The following PADI4 variants were observed in gnomAD, a reference collection of about 807,000 sequenced individuals.
The protein encoded by PADI4 is protein-arginine deiminase type-4.
Under a neutral mutation model 75.0 loss-of-function variants are expected in PADI4, and 62 were observed. That is an observed-to-expected ratio of 0.83 (90% CI 0.67 to 1.02). PADI4 has a LOEUF of 1.02. PADI4 is among the 50% of genes least tolerant of loss of function. PADI4 has a pLI of 0.00. For synonymous variants in PADI4, 361 were observed against 348.1 expected (o/e 1.04, Z -0.41); for missense variants, 845 against 850.5 (o/e 0.99, Z 0.08).
chr1:17,359,246 GTC>G, intron 14 of PADI4, 32 bp from the exon 15 acceptor site: 1 of 357,756 alleles, frequency 2.8e-6, no homozygotes, highest in Middle Eastern at 9.6e-4. Context: ...ACTGCCATCA[GTC>G]CCCCACTCAC....
At chr1:17,321,296 G>A (rs1026153225) in intron 1 of PADI4, among the ~76,000 whole-genome samples, 3 of 152,176 alleles carry the variant, frequency 2.0e-5, no homozygotes, top group African/African-American at 7.2e-5. Context: ...GGGCCATTCA[G>A]TCTGACCATA....
intron 1 of PADI4, among the ~76,000 whole-genome samples, chr1:17,318,141 C>T (rs886845931): frequency 6.6e-6 from 1 of 152,178 alleles, no homozygotes; most frequent in Non-Finnish European, 1.5e-5. Context: ...TGCTGCTGTT[C>T]CGAAGACCAC....
chr1:17,342,835 G>C (rs2074447627), intron 8 of PADI4, among the ~76,000 whole-genome samples: 1 of 152,188 alleles, frequency 6.6e-6, no homozygotes, highest in Admixed American at 6.5e-5. Context: ...AATTGGCCGG[G>C]CGTGGTGGCG....
intron 10 of PADI4, among the ~76,000 whole-genome samples, chr1:17,352,949 C>T (rs1432948091): frequency 6.6e-6 from 1 of 152,166 alleles, no homozygotes; most frequent in Non-Finnish European, 1.5e-5. Flanking sequence ...CAGGATCCCC[C>T]GGTGTCCTGA....
intron 8 of PADI4, among the ~76,000 whole-genome samples, chr1:17,343,483 C>T (rs546848207): frequency 6.6e-6 from 1 of 152,110 alleles, no homozygotes; most frequent in Admixed American, 6.5e-5. Flanking sequence ...GTATTCCGGT[C>T]CCAGCACTGT....
chr1:17,348,561 A>C (rs12754450), intron 10 of PADI4, among the ~76,000 whole-genome samples: 3,211 of 152,280 alleles, frequency 0.021, 41 homozygotes, highest in Middle Eastern at 0.031. Flanking sequence ...CTCATGCTTG[A>C]CTAGCCTGGC....
chr1:17,352,111 GACT>G lies in PADI4; in HGVS notation c.1156-2421_1156-2419del, dbSNP rs370833918. Among the ~76,000 whole-genome samples, 121 of 130,786 alleles carry G rather than the reference GACT, an allele frequency of 9.3e-4. 1 individual carries two copies. The highest frequency in any genetic ancestry group is 2.8e-3 in the African/African-American group (88 of 31,460). 85.8% of individuals were successfully genotyped at this position (130,786 alleles called of 152,430 possible). A position where few individuals can be genotyped will look rare whatever the true frequency, so the allele number is the denominator to read the frequency against. On this transcript the variant is annotated intron_variant, in intron 10 of 15. Coordinates refer to ENST00000375448, the MANE Select transcript of PADI4 (RefSeq NM_012387.3). ...GGAGGTGATGGGAGGTGGTAGGAGA[GACT>G]GTGGTCAGAGAGGTGATGGGAGGCA...
chr1:17,352,276 AT>A (rs1413925565), intron 10 of PADI4, among the ~76,000 whole-genome samples: 1 of 146,080 alleles, frequency 6.8e-6, no homozygotes, highest in Non-Finnish European at 1.5e-5. Context: ...ATGGGAGGAG[AT>A]GGGGGGCAGT....
intron 4 of PADI4, among the ~76,000 whole-genome samples, chr1:17,336,968 G>A (rs1343709327): frequency 6.6e-6 from 1 of 152,198 alleles, no homozygotes; most frequent in African/African-American, 2.4e-5. Context: ...GGGTGGGGCT[G>A]CTTAATGTGC....
chr1:17,340,045 C>CGT (rs1491467769), intron 6 of PADI4, among the ~76,000 whole-genome samples: 1 of 78,498 alleles, frequency 1.3e-5, no homozygotes, highest in East Asian at 3.8e-4. Context: ...CTCTCACACA[C>CGT]GCGCGCGCAC....
intron 5 of PADI4, among the ~76,000 whole-genome samples, chr1:17,339,309 G>A (rs753765086): frequency 4.6e-5 from 7 of 152,102 alleles, no homozygotes; most frequent in Admixed American, 2.6e-4. Flanking sequence ...CCTTTCACTC[G>A]TTCATTGCAC....
At chr1:17,336,018 C>T (rs1222265547) in intron 3 of PADI4, 141 bp from the exon 4 acceptor site, 3 of 635,796 alleles carry the variant, frequency 4.7e-6, no homozygotes, top group African/African-American at 3.6e-5. Context: ...GAACCTGTGT[C>T]TCCTCTGAAG....
At chr1:17,338,467 C>T (rs779546493) in intron 5 of PADI4, among the ~76,000 whole-genome samples, 97 of 152,304 alleles carry the variant, frequency 6.4e-4, no homozygotes, top group Admixed American at 1.2e-3. Flanking sequence ...TGAAATCCTT[C>T]GAAATGAAAG....
rs2074770266 is a variant in PADI4, at chr1:17,356,923, C to G, written c.1558+464C>G. 6.6e-6 allele frequency among the ~76,000 whole-genome samples: 1 copy of G among 152,202 alleles called. No homozygotes were observed. The highest frequency in any genetic ancestry group is 2.4e-5 in the African/African-American group (1 of 41,454). ...TAGCTGGAGCACAGATGAAATATTA[C>G]TCTCTCAGCAGAGCTCACAGACATG... is the stretch of plus-strand genomic sequence containing the variant. On this transcript the variant is annotated intron_variant, in intron 13 of 15. Coordinates refer to ENST00000375448, the MANE Select transcript of PADI4 (RefSeq NM_012387.3). The surrounding 1 kb of genome is among the most constrained non-coding windows in gnomAD (Gnocchi z 4.1).
At chr1:17,313,033 T>C (rs1475478410) in intron 1 of PADI4, among the ~76,000 whole-genome samples, 1 of 151,304 alleles carries the variant, frequency 6.6e-6, no homozygotes, top group Non-Finnish European at 1.5e-5. Flanking sequence ...CTACTAAAAA[T>C]ACAAAAATTA....
chr1:17,349,587 C>G (rs2074583226), intron 10 of PADI4, among the ~76,000 whole-genome samples: 1 of 151,984 alleles, frequency 6.6e-6, no homozygotes, highest in Non-Finnish European at 1.5e-5. Context: ...TGCCTGTAAT[C>G]CTATCTTCTC....
chr1:17,343,109 C>A lies in PADI4; in HGVS notation c.935+707C>A, dbSNP rs1054023851. Among the ~76,000 whole-genome samples the A allele has an allele frequency of 5.3e-5, 8 of 152,316 alleles. No homozygotes were observed. In the South Asian group the frequency reaches 1.7e-3, roughly 32 times the overall value. ...GGCTGAGGCAGGAGAATCACTTGAA[C>A]CCAGGAGGCCAAGGTTGCAGTGAGC... On this transcript the variant is annotated intron_variant, in intron 8 of 15. Transcript: ENST00000375448.
intron 11 of PADI4, 92 bp from the exon 12 acceptor site, chr1:17,355,891 G>C (rs2074750693): frequency 3.1e-6 from 4 of 1,306,940 alleles, no homozygotes; most frequent in Non-Finnish European, 4.4e-6. Context: ...AGCTGAAGGA[G>C]AACCCTGACC....
intron 1 of PADI4, among the ~76,000 whole-genome samples, chr1:17,330,243 T>C (rs971918592): frequency 1.3e-5 from 2 of 152,280 alleles, no homozygotes; most frequent in South Asian, 4.1e-4. Context: ...TCTCATTCCC[T>C]CCTGACAACC....
Sources: allele counts gnomAD v4.1 joint callset (sites outside exome capture counted in the v4.1 genomes callset), GRCh38; gene constraint gnomAD v4.1.1; non-coding constraint Gnocchi (gnomAD v3.1); transcripts MANE v1.5; gene names NCBI Gene and HGNC (gene_info 2026-07-23, HGNC 2026-07-21).